LRRC7: variants seen among roughly 807,000 people sequenced by gnomAD.
The protein encoded by LRRC7 is leucine-rich repeat-containing protein 7.
A neutral mutation model predicts 175.7 loss-of-function variants in LRRC7; 23 were observed. The ratio of observed to expected loss-of-function variants is 0.13; its 90% CI spans 0.09 to 0.19. The LOEUF is 0.19. Ranked by LOEUF, LRRC7 falls within the 10% of genes least tolerant of loss-of-function variation. The pLI is 1.00. For missense variants in LRRC7, 1,354 were observed against 1,904.7 expected, an observed-to-expected ratio of 0.71 and a Z score of 5.38; for synonymous variants, 685 against 680.9, an observed-to-expected ratio of 1.01 and a Z score of -0.09.
intron 7 of LRRC7, among the ~76,000 whole-genome samples, chr1:69,910,151 T>C (rs1338512857): frequency 6.6e-6 from 1 of 152,120 alleles, no homozygotes; most frequent in Non-Finnish European, 1.5e-5. Context: ...TCTGTATTGG[T>C]TATTCTAGTT....
In LRRC7 at chr1:70,107,820, C is replaced by T. The variant is rs539463338; in HGVS notation, c.4614C>T (p.Ile1538=). The change falls in exon 26 of 27, where the codon ATC becomes ATT. Residue 1538 remains isoleucine (I), a synonymous_variant. Coordinates refer to ENST00000651989, the MANE Select transcript of LRRC7 (RefSeq NM_001370785.2). ...ACCTACTGCAGCCTGGTGATAAGAT[C>T]CTTCAGGTAAGACAGATAAAAGAAA... The part of the protein sequence containing the change: ...ASNLLQPGDK[I]LQANGHSFVH... The T allele has an allele frequency of 6.2e-7, 1 of 1,612,030 alleles. No homozygotes were observed. Among genetic ancestry groups the T allele is most frequent in the African/African-American group, 1.3e-5 (1 of 74,966 alleles).
intron 7 of LRRC7, among the ~76,000 whole-genome samples, chr1:69,912,884 T>A (rs997155904): frequency 9.2e-5 from 14 of 152,218 alleles, no homozygotes; most frequent in African/African-American, 3.4e-4. Flanking sequence ...CTGTTTTTTT[T>A]AACAAATATA....
At chr1:69,973,716 G>A (rs1272419466) in intron 8 of LRRC7, among the ~76,000 whole-genome samples, 1 of 152,126 alleles carries the variant, frequency 6.6e-6, no homozygotes, top group Non-Finnish European at 1.5e-5. Flanking sequence ...CTCCCCAGTA[G>A]CTGGGATTAC....
chr1:70,023,481 CAT>C, intron 17 of LRRC7, 107 bp downstream of exon 17: 1 of 1,161,778 alleles, frequency 8.6e-7, no homozygotes, highest in Non-Finnish European at 1.1e-6. Context: ...ATGTTGATCA[CAT>C]AGAAACCTTC....
intron 4 of LRRC7, among the ~76,000 whole-genome samples, chr1:69,807,532 G>T (rs1371639436): frequency 6.6e-6 from 1 of 151,958 alleles, no homozygotes; most frequent in Non-Finnish European, 1.5e-5. Flanking sequence ...GTCTGTAAAG[G>T]GTTTTATTTC....
Position 70,013,103 on chromosome 1 carries a change from A to T in LRRC7, c.1250+14A>T. On this transcript the variant is annotated intron_variant, in intron 13 of 26. Coordinates refer to ENST00000651989, the MANE Select transcript of LRRC7 (RefSeq NM_001370785.2). ...GAGTGACAACAGGTATTTTTGCAAC[A>T]TTTCACAATCACATATTAGTTATTT... is the stretch of plus-strand genomic sequence containing the variant. 1 of 1,440,688 alleles carries T rather than the reference A, an allele frequency of 6.9e-7. No individual in the cohort carries two copies. The highest frequency in any genetic ancestry group is 2.4e-5 in the East Asian group (1 of 41,300). 89.2% of individuals were successfully genotyped at this position (1,440,688 alleles called of 1,614,324 possible).
At chr1:70,111,332 A>T (rs1221262202) in intron 26 of LRRC7, among the ~76,000 whole-genome samples, 1 of 152,192 alleles carries the variant, frequency 6.6e-6, no homozygotes, top group Non-Finnish European at 1.5e-5. Context: ...ACACATTCAC[A>T]TCATTTTTCT....
chr1:69,851,349 T>C (rs900628978), intron 7 of LRRC7, among the ~76,000 whole-genome samples: 1 of 152,136 alleles, frequency 6.6e-6, no homozygotes, highest in Admixed American at 6.6e-5. Flanking sequence ...GACAGGCACA[T>C]TGCATCATGA....
intron 1 of LRRC7, among the ~76,000 whole-genome samples, chr1:69,612,770 TATAGTC>T (rs1648975135): frequency 6.6e-6 from 1 of 152,124 alleles, no homozygotes; most frequent in Non-Finnish European, 1.5e-5. Context: ...TATATACCTA[TATAGTC>T]GTTTTTACAA....
intron 2 of LRRC7, among the ~76,000 whole-genome samples, chr1:69,705,312 G>A (rs532670917): frequency 6.6e-6 from 1 of 152,258 alleles, no homozygotes; most frequent in African/African-American, 2.4e-5. Context: ...AGAGGGAAGA[G>A]GACACTGGTA....
intron 11 of LRRC7, among the ~76,000 whole-genome samples, chr1:70,002,208 G>A (rs1279526383): frequency 6.6e-6 from 1 of 152,004 alleles, no homozygotes; most frequent in East Asian, 1.9e-4. Flanking sequence ...CATAGAGTGT[G>A]GTCAAACAGA....
At chr1:69,684,225 A>G (rs1156877758) in intron 2 of LRRC7, among the ~76,000 whole-genome samples, 2 of 152,208 alleles carry the variant, frequency 1.3e-5, no homozygotes, top group Non-Finnish European at 2.9e-5. Flanking sequence ...TATATTAATA[A>G]CACATGACAT....
chr1:69,680,663 G>GA (rs61015019), intron 2 of LRRC7, among the ~76,000 whole-genome samples: 24 of 138,198 alleles, frequency 1.7e-4, no homozygotes, highest in East Asian at 8.4e-4. Flanking sequence ...AATTCCATGA[G>GA]AAAAAAAAAA....
intron 22 of LRRC7, among the ~76,000 whole-genome samples, chr1:70,047,448 A>G (rs1660415445): frequency 6.6e-6 from 1 of 152,138 alleles, no homozygotes; most frequent in South Asian, 2.1e-4. Context: ...GCCTCTTGCA[A>G]CTAGGACAAA....
intron 2 of LRRC7, among the ~76,000 whole-genome samples, chr1:69,713,233 C>G (rs1664979269): frequency 6.6e-6 from 1 of 152,052 alleles, no homozygotes; most frequent in Non-Finnish European, 1.5e-5. Flanking sequence ...TACCTGTAAT[C>G]CCAGCACTTT....
intron 4 of LRRC7, among the ~76,000 whole-genome samples, chr1:69,816,233 C>T: frequency 6.6e-6 from 1 of 152,274 alleles, no homozygotes; most frequent in Non-Finnish European, 1.5e-5. Flanking sequence ...CCGCCTCAGC[C>T]TCCTAAAGTG....
intron 1 of LRRC7, among the ~76,000 whole-genome samples, chr1:69,587,511 C>G: frequency 6.6e-6 from 1 of 152,148 alleles, no homozygotes. Context: ...TCCTTGTGCC[C>G]CAGCTCTTTG....
chr1:69,799,612 T>C (rs1048804928), intron 4 of LRRC7, among the ~76,000 whole-genome samples: 1 of 152,162 alleles, frequency 6.6e-6, no homozygotes, highest in South Asian at 2.1e-4. Flanking sequence ...CATTCATTTA[T>C]TGATGGACAC....
intron 8 of LRRC7, among the ~76,000 whole-genome samples, chr1:69,961,973 G>C (rs1651141118): frequency 6.6e-6 from 1 of 151,966 alleles, no homozygotes; most frequent in South Asian, 2.1e-4. Flanking sequence ...GCAAAAAAAA[G>C]CAAAAATTAA....
Sources: allele counts gnomAD v4.1 joint callset (sites outside exome capture counted in the v4.1 genomes callset), GRCh38; gene constraint gnomAD v4.1.1; transcripts MANE v1.5; gene names NCBI Gene and HGNC (gene_info 2026-07-23, HGNC 2026-07-21).